Variants in CCT6B observed in about 807,000 individuals in gnomAD.
CCT6B encodes the protein probable T-complex protein 1 subunit zeta-2.
CCT6B carries 49 observed loss-of-function variants against 61.5 expected under a neutral mutation model. The observed-to-expected ratio is 0.80, with a 90% confidence interval of 0.63 to 1.01. CCT6B has a LOEUF of 1.01. CCT6B is among the 50% of genes least tolerant of loss of function. The probability of loss-of-function intolerance (pLI) is 0.00; values close to 1 mark genes in which losing one functional copy is unlikely to be tolerated. For synonymous variants in CCT6B, 228 were observed against 214.5 expected, an observed-to-expected ratio of 1.06 and a Z score of -0.55; for missense variants, 666 against 634.7, an observed-to-expected ratio of 1.05 and a Z score of -0.53.
chr17:34,961,150 C>A, intron 1 of CCT6B, 107 bp downstream of exon 1: 6 of 1,369,538 alleles, frequency 4.4e-6, no homozygotes, highest in Non-Finnish European at 4.9e-6. Context: ...TGAGGGAAAT[C>A]AAGCTCGCAA....
intron 3 of CCT6B, among the ~76,000 whole-genome samples, chr17:34,955,210 A>G (rs2142178586): frequency 6.6e-6 from 1 of 152,348 alleles, no homozygotes; most frequent in South Asian, 2.1e-4. Context: ...CTTAAAGGAT[A>G]CTAAAGGAAC....
chr17:34,952,021 T>C lies in CCT6B; in HGVS notation c.543A>G (p.Arg181=). The change falls in exon 5 of 14, where the codon AGA becomes AGG. Residue 181 remains arginine, a synonymous_variant. Transcript: ENST00000314144. ...VVVDSVLAVR[R]PGYPIDLFMV... is the part of the protein sequence containing the mutation. ...TGAAGAGATCAATAGGGTAACCTGG[T>C]CTTCTAACAGCCAAAACAGAATCCA... The C allele has an allele frequency of 6.2e-7, 1 of 1,609,766 alleles. No individual in the cohort carries two copies. The highest frequency in any genetic ancestry group is 8.5e-7 in the Non-Finnish European group (1 of 1,176,870).
intron 13 of CCT6B, among the ~76,000 whole-genome samples, chr17:34,928,391 G>A (rs1032703389): frequency 6.6e-6 from 1 of 151,750 alleles, no homozygotes; most frequent in African/African-American, 2.4e-5. Flanking sequence ...TCCCGCCTCA[G>A]CCTCCCGAGT....
intron 11 of CCT6B, 28 bp from the exon 12 acceptor site, chr17:34,931,079 T>A: frequency 7.7e-6 from 6 of 779,700 alleles, no homozygotes; most frequent in Non-Finnish European, 1.1e-5. Flanking sequence ...ATAATATATA[T>A]TATATATATA....
intron 10 of CCT6B, among the ~76,000 whole-genome samples, chr17:34,934,992 G>A (rs1383364324): frequency 6.6e-6 from 1 of 152,084 alleles, no homozygotes; most frequent in Admixed American, 6.6e-5. Context: ...ATTCACAATA[G>A]CCAAAAGGTA....
intron 1 of CCT6B, 78 bp downstream of exon 1, chr17:34,961,179 G>A: frequency 2.0e-6 from 3 of 1,498,306 alleles, no homozygotes; most frequent in South Asian, 2.6e-5. Flanking sequence ...ACAGCGCTAC[G>A]CGGACGCCTG....
chr17:34,929,495 T>C (rs542483754), intron 12 of CCT6B, among the ~76,000 whole-genome samples: 160 of 130,622 alleles, frequency 1.2e-3, no homozygotes, highest in Non-Finnish European at 1.9e-3. Context: ...TTCTTTCTTT[T>C]TTTTTTTTTT....
intron 12 of CCT6B, among the ~76,000 whole-genome samples, chr17:34,929,839 C>T (rs914935304): frequency 4.6e-5 from 7 of 152,012 alleles, no homozygotes; most frequent in African/African-American, 1.4e-4. Context: ...AATCTCCAAC[C>T]CAGACCTCTT....
intron 6 of CCT6B, 75 bp downstream of exon 6, chr17:34,942,721 C>A: frequency 6.7e-7 from 1 of 1,487,048 alleles, no homozygotes; most frequent in South Asian, 1.2e-5. Flanking sequence ...CACCAAACAT[C>A]TGGAAGGAAA....
At chr17:34,944,709 G>C (rs967853937) in intron 5 of CCT6B, among the ~76,000 whole-genome samples, 2 of 152,228 alleles carry the variant, frequency 1.3e-5, no homozygotes, top group Non-Finnish European at 2.9e-5. Flanking sequence ...GGCGGATCAT[G>C]AGGTCAGGAG....
intron 5 of CCT6B, among the ~76,000 whole-genome samples, chr17:34,950,775 A>C (rs1179250770): frequency 6.6e-6 from 1 of 152,078 alleles, no homozygotes; most frequent in Non-Finnish European, 1.5e-5. Context: ...CTAAAATACA[A>C]AAAATTAGGC....
At chr17:34,949,146 G>A (rs1179297577) in intron 5 of CCT6B, among the ~76,000 whole-genome samples, 1 of 151,052 alleles carries the variant, frequency 6.6e-6, no homozygotes, top group East Asian at 2.0e-4. Context: ...GAAAAGAAAA[G>A]GAGAAAATCA....
intron 12 of CCT6B, among the ~76,000 whole-genome samples, chr17:34,929,515 T>G (rs929042026): frequency 4.9e-5 from 2 of 40,982 alleles, no homozygotes; most frequent in African/African-American, 1.0e-4. Flanking sequence ...TTTTGGTGTT[T>G]TTTGTTTTTG....
At position 34,948,713 on chromosome 17, in the gene CCT6B, T is replaced by TCAAAAAAA. The variant is rs796140518; in HGVS notation, c.614+3236_614+3237insTTTTTTTG. On this transcript the variant is annotated intron_variant, in intron 5 of 13. Coordinates refer to ENST00000314144, the MANE Select transcript of CCT6B (RefSeq NM_006584.4). ...TGGGTAACAAGAGTGAAACTCCATCTAAAAAAAAAAAAAAAAACAAAACAA... is the reference window on the plus strand; with the variant it reads ...TGGGTAACAAGAGTGAAACTCCATCTCAAAAAAAAAAAAAAAAAAAAAAAACAAAACAA... 4.0e-5 allele frequency among the ~76,000 whole-genome samples: 3 copies of TCAAAAAAA among 75,340 alleles called. 1 individual carries two copies. The highest frequency in any genetic ancestry group is 9.5e-5 in the African/African-American group (2 of 20,994). The allele number at this position is 75,340 out of a possible 152,430, so 49.4% of individuals were successfully genotyped here. A position where few individuals can be genotyped will look rare whatever the true frequency, so the allele number is the denominator to read the frequency against.
chr17:34,928,274 C>CT (rs778522093), intron 13 of CCT6B, among the ~76,000 whole-genome samples, 157 bp from the exon 14 acceptor site: 133 of 145,068 alleles, frequency 9.2e-4, no homozygotes, highest in Middle Eastern at 3.6e-3. Flanking sequence ...CAAATGTCAC[C>CT]TTTTTTTTTT....
At chr17:34,936,972 A>T (rs1010995139) in intron 10 of CCT6B, among the ~76,000 whole-genome samples, 4 of 152,102 alleles carry the variant, frequency 2.6e-5, no homozygotes, top group Non-Finnish European at 4.4e-5. Flanking sequence ...GGGTAACAAC[A>T]TAATGAGACG....
At chr17:34,954,636 A>G in intron 3 of CCT6B, 37 bp from the exon 4 acceptor site, 1 of 1,533,022 alleles carries the variant, frequency 6.5e-7, no homozygotes, top group Non-Finnish European at 8.8e-7. Context: ...TTATAAAATA[A>G]GTCACCCAAT....
At chr17:34,939,467 TAACA>T in intron 9 of CCT6B, 137 bp from the exon 10 acceptor site, 2 of 836,682 alleles carry the variant, frequency 2.4e-6, no homozygotes, top group East Asian at 2.7e-5. Flanking sequence ...TCTGAACTCT[TAACA>T]AACATTTAGG....
chr17:34,952,408 T>C (rs550862622), intron 4 of CCT6B, among the ~76,000 whole-genome samples: 3 of 152,282 alleles, frequency 2.0e-5, no homozygotes, highest in East Asian at 1.9e-4. Flanking sequence ...CTTTCTATCA[T>C]ACCAAGACTA....
Sources: allele counts gnomAD v4.1 joint callset (sites outside exome capture counted in the v4.1 genomes callset), GRCh38; gene constraint gnomAD v4.1.1; transcripts MANE v1.5; gene names NCBI Gene and HGNC (gene_info 2026-07-23, HGNC 2026-07-21).